The following KMT2C variants were observed in gnomAD, a reference collection of about 807,000 sequenced individuals.
KMT2C encodes the protein histone-lysine N-methyltransferase 2C.
In KMT2C, 88 loss-of-function variants were observed where a neutral mutation model predicts 507.9. That is an observed-to-expected ratio of 0.17 (90% CI 0.15 to 0.21). The LOEUF (loss-of-function observed/expected upper bound fraction) is 0.21, where lower values mean the gene tolerates loss of function less well. Among genes scored for constraint, KMT2C ranks in the 10% least tolerant of loss-of-function variants. KMT2C has a pLI of 1.00. For missense variants in KMT2C, 4,954 were observed against 5,957.8 expected (o/e 0.83, Z 5.55); for synonymous variants, 2,049 against 2,080.8 (o/e 0.98, Z 0.42).
intron 2 of KMT2C, among the ~76,000 whole-genome samples, chr7:152,349,215 G>A (rs113505076): frequency 0.038 from 5,831 of 152,202 alleles, 384 homozygotes; most frequent in African/African-American, 0.13. Context: ...GGAGGCTGAG[G>A]CGGGTGGATC....
chr7:152,359,424 A>C (rs184915560), intron 1 of KMT2C, among the ~76,000 whole-genome samples: 4 of 152,310 alleles, frequency 2.6e-5, no homozygotes, highest in African/African-American at 9.6e-5. Context: ...CTGACAAAGC[A>C]GTACTCAGAT....
At chr7:152,337,776 G>C (rs1484901326) in intron 2 of KMT2C, among the ~76,000 whole-genome samples, 1 of 151,182 alleles carries the variant, frequency 6.6e-6, no homozygotes, top group Non-Finnish European at 1.5e-5. Flanking sequence ...TAGTGATGTA[G>C]CTGCTATTCT....
chr7:152,432,041 T>C (rs1247204430), intron 1 of KMT2C, among the ~76,000 whole-genome samples: 3 of 152,216 alleles, frequency 2.0e-5, no homozygotes, highest in African/African-American at 4.8e-5. Flanking sequence ...TGACAATCAC[T>C]GGTTGTGCCT....
chr7:152,256,184 C>T (rs2095658723), intron 9 of KMT2C, among the ~76,000 whole-genome samples: 1 of 152,004 alleles, frequency 6.6e-6, no homozygotes, highest in Non-Finnish European at 1.5e-5. Context: ...ATAAAATAAA[C>T]ATAAAAACTG....
chr7:152,371,315 A>T lies in KMT2C; in HGVS notation c.162-12640T>A, dbSNP rs79682488. 7.1e-3 allele frequency among the ~76,000 whole-genome samples: 1,081 copies of T among 152,302 alleles called. 5 individuals carry two copies. The highest frequency in any genetic ancestry group is 0.011 in the Non-Finnish European group (768 of 68,018). Reference sequence around the variant, plus strand: ...TATACTGTTGAGGTTGTCAGCTTAAAATAGACTATTAACACTATAAGATGT... The same window carrying T: ...TATACTGTTGAGGTTGTCAGCTTAATATAGACTATTAACACTATAAGATGT... On this transcript the variant is annotated intron_variant, in intron 1 of 58. Transcript: ENST00000262189.
intron 1 of KMT2C, among the ~76,000 whole-genome samples, chr7:152,400,391 T>C (rs1197528436): frequency 1.3e-5 from 2 of 152,218 alleles, no homozygotes; most frequent in Non-Finnish European, 2.9e-5. Flanking sequence ...TTTTGCTTAT[T>C]GTAATGGAGA....
intron 2 of KMT2C, among the ~76,000 whole-genome samples, chr7:152,337,244 C>T (rs138502404): frequency 2.8e-4 from 42 of 152,262 alleles, no homozygotes; most frequent in African/African-American, 1.0e-3. Flanking sequence ...GCACTCCATC[C>T]TGGGTGACAG....
At position 152,151,537 on chromosome 7, in the gene KMT2C, C is replaced by G. The variant is rs376118166; in HGVS notation, c.12571G>C (p.Ala4191Pro). The G allele has an allele frequency of 6.2e-7, 1 of 1,614,028 alleles. No individual in the cohort carries two copies. The highest frequency in any genetic ancestry group is 1.7e-5 in the Admixed American group (1 of 60,016). The change falls in exon 50 of 59, where the codon GCA (alanine) becomes CCA (proline). Residue 4191 changes from alanine (A) to proline (P), a missense_variant. Ala to Pro is a conservative substitution (Grantham distance 27). This residue lies in a region of KMT2C where 417 missense variants were observed against 461.1 expected (regional missense o/e 0.90). Transcript: ENST00000262189. ...CAACACCACTGTGGTCTGAGTGCTG[C>G]GCTTTCTGCAATACCATGACTAGAA... is the stretch of plus-strand genomic sequence containing the variant. Reference protein sequence around the residue: ...KDSSHGIAESAALRPQWCCHC... With the variant: ...KDSSHGIAESPALRPQWCCHC...
At chr7:152,399,636 G>T (rs1041317262) in intron 1 of KMT2C, among the ~76,000 whole-genome samples, 25 of 151,594 alleles carry the variant, frequency 1.6e-4, no homozygotes, top group Middle Eastern at 3.4e-3. Flanking sequence ...TGATATCCAA[G>T]GTCAGCAGAT....
At chr7:152,331,553 G>C (rs1024336061) in intron 2 of KMT2C, among the ~76,000 whole-genome samples, 3 of 151,058 alleles carry the variant, frequency 2.0e-5, no homozygotes, top group Non-Finnish European at 4.4e-5. Flanking sequence ...AGGCTACAGT[G>C]AGCTGTGATG....
chr7:152,242,635 G>A (rs538129820), intron 14 of KMT2C, among the ~76,000 whole-genome samples: 22 of 152,266 alleles, frequency 1.4e-4, no homozygotes, highest in African/African-American at 5.3e-4. Flanking sequence ...CAATTTCTCA[G>A]GTAAACTGTC....
intron 1 of KMT2C, among the ~76,000 whole-genome samples, chr7:152,377,067 G>A (rs1169721758): frequency 6.6e-6 from 1 of 152,304 alleles, no homozygotes; most frequent in Non-Finnish European, 1.5e-5. Context: ...TCTTGTTAGG[G>A]GCTAATGCAG....
chr7:152,418,482 G>A (rs960761589), intron 1 of KMT2C, among the ~76,000 whole-genome samples: 1 of 152,118 alleles, frequency 6.6e-6, no homozygotes, highest in African/African-American at 2.4e-5. Context: ...CCAGGCTGGA[G>A]TGCAATGGTG....
intron 7 of KMT2C, among the ~76,000 whole-genome samples, chr7:152,270,560 A>G (rs2095945218): frequency 6.6e-6 from 1 of 152,172 alleles, no homozygotes; most frequent in Non-Finnish European, 1.5e-5. Context: ...CTATGCTCCA[A>G]GTAAAATGAC....
chr7:152,154,229 G>C (rs2091878234), intron 47 of KMT2C, 38 bp downstream of exon 47: 1 of 1,611,526 alleles, frequency 6.2e-7, no homozygotes, highest in Non-Finnish European at 8.5e-7. Context: ...AATTGGCGTA[G>C]TGTAAAGGGA....
intron 6 of KMT2C, among the ~76,000 whole-genome samples, chr7:152,276,793 A>G (rs572454958): frequency 6.6e-6 from 1 of 152,338 alleles, no homozygotes; most frequent in South Asian, 2.1e-4. Flanking sequence ...TGGTGTATCA[A>G]CTAAATGGTT....
intron 28 of KMT2C, among the ~76,000 whole-genome samples, chr7:152,195,111 T>C (rs570072862): frequency 1.1e-4 from 16 of 152,262 alleles, no homozygotes; most frequent in African/African-American, 2.4e-4. Context: ...TTTTATAAAA[T>C]TGTAACATGC....
intron 2 of KMT2C, among the ~76,000 whole-genome samples, chr7:152,355,092 G>C (rs994991476): frequency 6.6e-6 from 1 of 152,148 alleles, no homozygotes; most frequent in African/African-American, 2.4e-5. Context: ...GGATATACTG[G>C]GTAGGTAAAG....
chr7:152,276,706 T>A (rs1022881764), intron 6 of KMT2C, among the ~76,000 whole-genome samples: 5 of 151,680 alleles, frequency 3.3e-5, no homozygotes, highest in Non-Finnish European at 5.9e-5. Flanking sequence ...TGAGCTGTGA[T>A]CACGCTACTG....
Sources: gnomAD v4.1 joint callset for allele counts (sites outside exome capture counted in the v4.1 genomes callset) on GRCh38, gnomAD v4.1.1 for gene constraint, gnomAD v4.1.1 regional missense constraint, MANE v1.5 for transcripts, NCBI Gene and HGNC (gene_info 2026-07-23, HGNC 2026-07-21) for gene names.